The following MAML2 variants were observed in gnomAD, a reference collection of about 807,000 sequenced individuals.
MAML2 encodes mastermind-like protein 2.
MAML2 carries 22 observed loss-of-function variants against 96.1 expected under a neutral mutation model. That is an observed-to-expected ratio of 0.23 (90% CI 0.16 to 0.33). The LOEUF is 0.33. Among genes scored for constraint, MAML2 ranks in the 10% least tolerant of loss-of-function variants. The pLI is 1.00. For missense variants in MAML2, 1,367 were observed against 1,392.4 expected, an observed-to-expected ratio of 0.98 and a Z score of 0.29; for synonymous variants, 561 against 521.3, an observed-to-expected ratio of 1.08 and a Z score of -1.04.
At chr11:95,992,278 C>T (rs1003608567) in intron 2 of MAML2, among the ~76,000 whole-genome samples, 4 of 152,148 alleles carry the variant, frequency 2.6e-5, no homozygotes, top group Non-Finnish European at 5.9e-5. Context: ...TTCTCAGGGC[C>T]TTGTAAATTT....
intron 1 of MAML2, among the ~76,000 whole-genome samples, chr11:96,106,052 T>C (rs962604001): frequency 2.6e-5 from 4 of 152,216 alleles, no homozygotes; most frequent in Admixed American, 2.6e-4. Flanking sequence ...TTCTTGATTA[T>C]TTAAATGACG....
intron 1 of MAML2, among the ~76,000 whole-genome samples, chr11:96,200,915 A>G (rs1861811867): frequency 6.6e-6 from 1 of 152,204 alleles, no homozygotes; most frequent in South Asian, 2.1e-4. Flanking sequence ...ACAATTCTAT[A>G]TAACAAAAAC....
At chr11:96,260,366 A>G (rs976660109) in intron 1 of MAML2, among the ~76,000 whole-genome samples, 2 of 152,206 alleles carry the variant, frequency 1.3e-5, no homozygotes, top group African/African-American at 4.8e-5. Context: ...CTGTCATGCC[A>G]CACCCTTCTC....
chr11:96,243,330 C>G lies in MAML2; in HGVS notation c.513+98053G>C, dbSNP rs1017520774. Among the ~76,000 whole-genome samples, 21 of 152,278 alleles carry G rather than the reference C, an allele frequency of 1.4e-4. No homozygotes were observed. The East Asian group carries it at 2.7e-3, about 20-fold the overall frequency. On this transcript the variant is annotated intron_variant, in intron 1 of 4. Transcript: ENST00000524717. Reference sequence around the variant, plus strand: ...AAGCAGAGCAAGGAGGCGGGGGAGGCGGGGTTGGCTGTCGGGAATTGCCTG... The same window carrying G: ...AAGCAGAGCAAGGAGGCGGGGGAGGGGGGGTTGGCTGTCGGGAATTGCCTG...
chr11:96,302,515 A>G (rs1367305081), intron 1 of MAML2, among the ~76,000 whole-genome samples: 1 of 152,198 alleles, frequency 6.6e-6, no homozygotes, highest in Non-Finnish European at 1.5e-5. Flanking sequence ...GACATACTAA[A>G]GAAACTCTCA....
intron 3 of MAML2, among the ~76,000 whole-genome samples, chr11:95,986,976 G>T (rs1857838163): frequency 6.6e-6 from 1 of 152,166 alleles, no homozygotes; most frequent in Non-Finnish European, 1.5e-5. Flanking sequence ...TTTATTACTT[G>T]TTGCAGCAAG....
intron 1 of MAML2, among the ~76,000 whole-genome samples, chr11:96,218,840 C>T (rs1295642699): frequency 6.6e-6 from 1 of 152,128 alleles, no homozygotes; most frequent in Non-Finnish European, 1.5e-5. Context: ...ATATTTGAAA[C>T]ATACTTGTAC....
intron 2 of MAML2, among the ~76,000 whole-genome samples, chr11:96,068,174 G>A (rs1328594965): frequency 1.3e-5 from 2 of 152,022 alleles, no homozygotes; most frequent in African/African-American, 4.8e-5. Flanking sequence ...ACTTCACTTA[G>A]GAAATGTCTT....
chr11:96,251,262 A>T (rs1813240919), intron 1 of MAML2, among the ~76,000 whole-genome samples: 1 of 152,232 alleles, frequency 6.6e-6, no homozygotes, highest in Non-Finnish European at 1.5e-5. Context: ...TAGAATTTTC[A>T]TGGAGGTAGC....
At chr11:96,067,261 T>A (rs1002212980) in intron 2 of MAML2, among the ~76,000 whole-genome samples, 2 of 152,190 alleles carry the variant, frequency 1.3e-5, no homozygotes, top group African/African-American at 4.8e-5. Flanking sequence ...CCATAGCATC[T>A]CCAGAATCAA....
At chr11:96,131,125 T>C (rs1397207215) in intron 1 of MAML2, among the ~76,000 whole-genome samples, 1 of 151,982 alleles carries the variant, frequency 6.6e-6, no homozygotes, top group Non-Finnish European at 1.5e-5. Context: ...GGGTAAAATA[T>C]CAGCAGGGTC....
chr11:96,335,886 G>A (rs1251674367), intron 1 of MAML2, among the ~76,000 whole-genome samples: 4 of 151,956 alleles, frequency 2.6e-5, no homozygotes, highest in Admixed American at 1.3e-4. Context: ...TGCACTCAGC[G>A]ACCCCAATCC....
intron 2 of MAML2, among the ~76,000 whole-genome samples, chr11:96,057,795 G>T (rs1859092411): frequency 6.6e-6 from 1 of 152,194 alleles, no homozygotes; most frequent in Non-Finnish European, 1.5e-5. Flanking sequence ...TCTGCCTTTG[G>T]AAACAAAATA....
intron 1 of MAML2, among the ~76,000 whole-genome samples, chr11:96,195,779 C>A (rs115609363): frequency 1.0e-3 from 156 of 152,302 alleles, no homozygotes; most frequent in African/African-American, 3.5e-3. Context: ...TGCAAATGGG[C>A]TATTAGCAGT....
intron 2 of MAML2, among the ~76,000 whole-genome samples, chr11:96,055,168 A>C (rs773017904): frequency 1.3e-5 from 2 of 152,240 alleles, no homozygotes; most frequent in Non-Finnish European, 2.9e-5. Context: ...TGCTGGAAAT[A>C]TAATTAAGGG....
intron 1 of MAML2, among the ~76,000 whole-genome samples, chr11:96,103,322 TG>T (rs1859965043): frequency 6.6e-6 from 1 of 152,166 alleles, no homozygotes; most frequent in Non-Finnish European, 1.5e-5. Flanking sequence ...CCTAGTGGCC[TG>T]GGAACATCAG....
chr11:96,010,611 A>C (rs996849022), intron 2 of MAML2, among the ~76,000 whole-genome samples: 2 of 152,232 alleles, frequency 1.3e-5, no homozygotes, highest in Non-Finnish European at 2.9e-5. Flanking sequence ...GTGGCGAATG[A>C]AAAAAGAGAG....
At chr11:96,308,982 T>C (rs1863502182) in intron 1 of MAML2, among the ~76,000 whole-genome samples, 1 of 152,190 alleles carries the variant, frequency 6.6e-6, no homozygotes, top group Non-Finnish European at 1.5e-5. Flanking sequence ...CATAAACAAA[T>C]AATTCATGGC....
At chr11:96,335,002 G>A (rs1863900315) in intron 1 of MAML2, among the ~76,000 whole-genome samples, 1 of 152,208 alleles carries the variant, frequency 6.6e-6, no homozygotes, top group Non-Finnish European at 1.5e-5. Flanking sequence ...GTAGGCCAAG[G>A]TTGAAGCTAG....
Sources: allele counts gnomAD v4.1 joint callset (sites outside exome capture counted in the v4.1 genomes callset), GRCh38; gene constraint gnomAD v4.1.1; transcripts MANE v1.5; gene names NCBI Gene and HGNC (gene_info 2026-07-23, HGNC 2026-07-21).